Variants in BCR observed in about 807,000 individuals in gnomAD.
BCR encodes the protein BCR activator of RhoGEF and GTPase.
A neutral mutation model predicts 138.6 loss-of-function variants in BCR; 58 were observed. The ratio of observed to expected loss-of-function variants is 0.42; its 90% CI spans 0.34 to 0.52. The LOEUF (loss-of-function observed/expected upper bound fraction) is 0.52. BCR is among the 20% of genes least tolerant of loss of function. BCR has a pLI of 0.06. For missense variants in BCR, 1,599 were observed against 1,727.2 expected, an observed-to-expected ratio of 0.93 and a Z score of 1.32; for synonymous variants, 786 against 730.1, an observed-to-expected ratio of 1.08 and a Z score of -1.23.
chr22:23,222,126 C>A, intron 1 of BCR, among the ~76,000 whole-genome samples: 1 of 152,072 alleles, frequency 6.6e-6, no homozygotes, highest in East Asian at 1.9e-4. Context: ...TGATAGCCCT[C>A]CCCGTCTTCT....
At chr22:23,261,247 A>C (rs1390737108) in intron 3 of BCR, 108 bp from the exon 4 acceptor site, 1 of 1,350,880 alleles carries the variant, frequency 7.4e-7, no homozygotes, top group East Asian at 2.3e-5. Context: ...TGTGATTTAA[A>C]AATAAAAGTG....
chr22:23,313,901 T>C, intron 20 of BCR, 67 bp from the exon 21 acceptor site: 1 of 1,281,218 alleles, frequency 7.8e-7, no homozygotes, highest in South Asian at 1.2e-5. Context: ...AGGTGCTCCA[T>C]GTGAACACCT....
chr22:23,287,268 G>C lies in BCR; in HGVS notation c.2516G>C (p.Arg839Pro), dbSNP rs528236893. The change falls in exon 11 of 23, where the codon CGC (arginine) becomes CCC (proline). Residue 839 changes from arginine (R) to proline (P), a missense_variant. Arg to Pro is a moderately radical substitution (Grantham distance 103). Transcript: ENST00000305877. Reference sequence around the variant, plus strand: ...AGCATGGCCTTCAGGGTGCACAGCCGCAACGGCAAGGTGAGCGCCTGCTGT... The same window carrying C: ...AGCATGGCCTTCAGGGTGCACAGCCCCAACGGCAAGGTGAGCGCCTGCTGT... ...SPSMAFRVHSRNGKSYTFLIS... is the reference protein window; with the variant it reads ...SPSMAFRVHSPNGKSYTFLIS... The C allele has an allele frequency of 1.9e-6, 3 of 1,548,206 alleles. No homozygotes were observed. The highest frequency in any genetic ancestry group is 2.6e-6 in the Non-Finnish European group (3 of 1,145,184).
intron 5 of BCR, among the ~76,000 whole-genome samples, chr22:23,270,289 G>A (rs552877671): frequency 6.6e-6 from 1 of 152,152 alleles, no homozygotes; most frequent in African/African-American, 2.4e-5. Context: ...TGGAACACCA[G>A]CTCTCCAGAC....
At chr22:23,271,220 T>C (rs768772851) in intron 5 of BCR, among the ~76,000 whole-genome samples, 1 of 152,188 alleles carries the variant, frequency 6.6e-6, no homozygotes, top group East Asian at 1.9e-4. Flanking sequence ...CCTGTACCTA[T>C]AGGTAGAGGC....
At chr22:23,246,349 G>C (rs909921985) in intron 1 of BCR, among the ~76,000 whole-genome samples, 1 of 152,170 alleles carries the variant, frequency 6.6e-6, no homozygotes, top group Non-Finnish European at 1.5e-5. Flanking sequence ...AGGAGATCAC[G>C]TGAGCCCAGG....
chr22:23,273,452 C>T (rs573141060), intron 7 of BCR, among the ~76,000 whole-genome samples, 182 bp from the exon 8 acceptor site: 1 of 152,342 alleles, frequency 6.6e-6, no homozygotes, highest in Non-Finnish European at 1.5e-5. Flanking sequence ...GTAGGACCTG[C>T]TTCCAGGATG....
chr22:23,189,817 A>C (rs2072392225), intron 1 of BCR, among the ~76,000 whole-genome samples: 1 of 152,124 alleles, frequency 6.6e-6, no homozygotes, highest in African/African-American at 2.4e-5. Context: ...CTCAGTCTTA[A>C]GACTGAGTTA....
chr22:23,283,841 A>G, intron 8 of BCR, 136 bp from the exon 9 acceptor site: 1 of 1,172,520 alleles, frequency 8.5e-7, no homozygotes, highest in Non-Finnish European at 1.2e-6. Context: ...TGTGAGGGTC[A>G]GATGTGGAGG....
chr22:23,181,363 G>A lies in BCR; in HGVS notation c.403G>A (p.Gly135Arg), dbSNP rs551667497. ...CAGGCCCGGGACCGCCCGCAGGCCC[G>A]GGGCAGCCGCGTCGGGGGAACGGGA... is the stretch of plus-strand genomic sequence containing the variant. ...KARPGTARRP[G>R]AAASGERDDR... The change falls in exon 1 of 23, where the codon GGG becomes AGG. Residue 135 changes from glycine (G) to arginine (R), a missense_variant. This residue lies in a region of BCR where 806 missense variants were observed against 635.0 expected (regional missense o/e 1.27). Transcript: ENST00000305877. The A allele has an allele frequency of 6.6e-6, 10 of 1,519,112 alleles. No individual in the cohort carries two copies. Among genetic ancestry groups the A allele is most frequent in the Admixed American group, 4.2e-5 (2 of 47,092 alleles). 94.1% of individuals were successfully genotyped at this position (1,519,112 alleles called of 1,614,324 possible).
At chr22:23,286,334 TATGCCCAGGTAGGGTGGA>T (rs2078729436) in intron 10 of BCR, among the ~76,000 whole-genome samples, 1 of 152,200 alleles carries the variant, frequency 6.6e-6, no homozygotes, top group Non-Finnish European at 1.5e-5. Flanking sequence ...TGGGTCCAGG[TATGCCCAGGTAGGGTGGA>T]CGCAGCAGGA....
intron 16 of BCR, among the ~76,000 whole-genome samples, chr22:23,301,465 T>A (rs527835761): frequency 4.6e-5 from 7 of 152,354 alleles, no homozygotes; most frequent in Admixed American, 2.6e-4. Context: ...TCGGCTAGGC[T>A]GCAGACTAGC....
chr22:23,273,228 T>C, intron 7 of BCR, 95 bp downstream of exon 7: 1 of 1,383,012 alleles, frequency 7.2e-7, no homozygotes. Context: ...TTGTCATAGC[T>C]GCAGCCAAGG....
intron 1 of BCR, among the ~76,000 whole-genome samples, chr22:23,194,529 G>C (rs908883503): frequency 6.6e-6 from 1 of 151,792 alleles, no homozygotes; most frequent in Admixed American, 6.6e-5. Flanking sequence ...TCCTGCCTCA[G>C]CCTCCCGAGT....
Position 23,315,592 on chromosome 22 carries a change from A to C in BCR, c.*70A>C. 6.8e-7 allele frequency: 1 copy of C among 1,463,750 alleles called. No individual in the cohort carries two copies. Among genetic ancestry groups the C allele is most frequent in the Non-Finnish European group, 9.5e-7 (1 of 1,049,716 alleles). The allele number at this position is 1,463,750 out of a possible 1,614,324, so 90.7% of individuals were successfully genotyped here. ...CTCTGGCTAATCGGGCCATCCGTAG[A>C]GCGGGAACCTTCCTGAGGTGTCCTT... On this transcript the variant is annotated 3_prime_UTR_variant, in exon 23 of 23. Transcript: ENST00000305877.
chr22:23,264,028 C>A lies in BCR; in HGVS notation c.1752+2488C>A, dbSNP rs1033036531. On this transcript the variant is annotated intron_variant, in intron 4 of 22. Transcript: ENST00000305877. The stretch of plus-strand genomic sequence containing the variant: ...GGGGTGCTGGATGTCATATATGAGT[C>A]CCCTTTCGCACTGCTCTCCTGTGGC... 11 of 927,102 alleles carry A rather than the reference C, an allele frequency of 1.2e-5. No homozygotes were observed. In the African/African-American group the frequency reaches 1.8e-4, roughly 15 times the overall value. 57.4% of individuals were successfully genotyped at this position (927,102 alleles called of 1,614,324 possible).
At chr22:23,212,806 C>T (rs780150718) in intron 1 of BCR, among the ~76,000 whole-genome samples, 6 of 152,240 alleles carry the variant, frequency 3.9e-5, no homozygotes, top group Non-Finnish European at 5.9e-5. Context: ...AACATAGATG[C>T]ACCTGCTCTC....
At chr22:23,264,218 G>A (rs1327388901) in intron 4 of BCR, 2 of 1,102,620 alleles carry the variant, frequency 1.8e-6, no homozygotes, top group Non-Finnish European at 2.8e-6. Context: ...TGTGGGACCG[G>A]CACCAAAGGG....
chr22:23,299,302 T>TA (rs200924228), intron 16 of BCR, among the ~76,000 whole-genome samples: 1 of 152,226 alleles, frequency 6.6e-6, no homozygotes, highest in East Asian at 1.9e-4. Context: ...GTTTAGGGGC[T>TA]ACGTAAGTTT....
Sources: gnomAD v4.1 joint callset for allele counts (sites outside exome capture counted in the v4.1 genomes callset) on GRCh38, gnomAD v4.1.1 for gene constraint, gnomAD v4.1.1 regional missense constraint, MANE v1.5 for transcripts, NCBI Gene and HGNC (gene_info 2026-07-23, HGNC 2026-07-21) for gene names.